NR1H4: variants seen among roughly 807,000 people sequenced by gnomAD.
NR1H4 encodes the protein bile acid receptor.
A neutral mutation model predicts 58.5 loss-of-function variants in NR1H4; 23 were observed. The ratio of observed to expected loss-of-function variants is 0.39; its 90% CI spans 0.28 to 0.56. NR1H4 has a LOEUF of 0.56. Among genes scored for constraint, NR1H4 ranks in the 20% least tolerant of loss-of-function variants. The pLI, the probability that NR1H4 is intolerant of heterozygous loss-of-function variation, is 0.58. For missense variants in NR1H4, 487 were observed against 576.9 expected, an observed-to-expected ratio of 0.84 and a Z score of 1.60; for synonymous variants, 214 against 198.0, an observed-to-expected ratio of 1.08 and a Z score of -0.68.
intron 9 of NR1H4, among the ~76,000 whole-genome samples, chr12:100,544,452 C>T (rs927980041): frequency 2.6e-5 from 4 of 152,108 alleles, no homozygotes; most frequent in African/African-American, 9.6e-5. Flanking sequence ...TGAATATGGG[C>T]CCCACTACTT....
chr12:100,515,383 G>C (rs1365394659), intron 4 of NR1H4, among the ~76,000 whole-genome samples: 2 of 151,818 alleles, frequency 1.3e-5, no homozygotes, highest in Admixed American at 1.3e-4. Flanking sequence ...TGTTGGCCAG[G>C]CTGGTCTCAA....
intron 9 of NR1H4, among the ~76,000 whole-genome samples, chr12:100,555,323 A>AT (rs1342559142): frequency 6.6e-6 from 1 of 152,218 alleles, no homozygotes; most frequent in African/African-American, 2.4e-5. Context: ...AAAGATTGAC[A>AT]TTTTTTTGAA....
chr12:100,478,800 CTTTAT>C (rs1269415469), intron 1 of NR1H4, among the ~76,000 whole-genome samples: 2 of 152,274 alleles, frequency 1.3e-5, no homozygotes, highest in East Asian at 3.9e-4. Flanking sequence ...TAAAATTGCA[CTTTAT>C]TTTAAGATAC....
intron 1 of NR1H4, among the ~76,000 whole-genome samples, chr12:100,489,859 G>A (rs1051181549): frequency 9.9e-5 from 15 of 151,988 alleles, no homozygotes; most frequent in Admixed American, 7.2e-4. Flanking sequence ...AAGCCCATTC[G>A]GGAATTGTAA....
intron 4 of NR1H4, among the ~76,000 whole-genome samples, chr12:100,519,193 AT>A (rs1954347375): frequency 1.3e-5 from 2 of 152,116 alleles, no homozygotes; most frequent in Non-Finnish European, 2.9e-5. Flanking sequence ...ATGTAACTTT[AT>A]TTTTTAAAAT....
chr12:100,547,876 A>G (rs958833125), intron 9 of NR1H4, among the ~76,000 whole-genome samples: 7 of 150,658 alleles, frequency 4.6e-5, no homozygotes, highest in Non-Finnish European at 1.0e-4. Context: ...GCGTGCCCCC[A>G]TGCTTGGCTA....
chr12:100,514,750 A>C (rs1954219018), intron 4 of NR1H4, among the ~76,000 whole-genome samples: 1 of 152,130 alleles, frequency 6.6e-6, no homozygotes, highest in South Asian at 2.1e-4. Flanking sequence ...TCTAATGTTG[A>C]CTTAAATTGC....
chr12:100,502,378 C>T (rs1177385517), intron 3 of NR1H4, among the ~76,000 whole-genome samples: 1 of 152,156 alleles, frequency 6.6e-6, no homozygotes, highest in East Asian at 1.9e-4. Context: ...AGGGTTAGCT[C>T]TTCCTGAAGG....
At chr12:100,518,396 G>A (rs182235346) in intron 4 of NR1H4, among the ~76,000 whole-genome samples, 2 of 152,234 alleles carry the variant, frequency 1.3e-5, no homozygotes, top group African/African-American at 4.8e-5. Flanking sequence ...GGGAGGTTTA[G>A]GAAGGAGAAG....
intron 4 of NR1H4, chr12:100,525,523 A>G (rs1954533231): frequency 6.6e-6 from 1 of 152,184 alleles, no homozygotes; most frequent in South Asian, 2.1e-4. Flanking sequence ...AAATCAAAAC[A>G]CAATGCCAGA....
intron 3 of NR1H4, among the ~76,000 whole-genome samples, chr12:100,494,960 A>G (rs1953682068): frequency 6.6e-6 from 1 of 152,190 alleles, no homozygotes; most frequent in East Asian, 1.9e-4. Context: ...CAGAGAGAAA[A>G]TTGTAGGGTT....
intron 3 of NR1H4, among the ~76,000 whole-genome samples, chr12:100,498,666 A>C (rs1159597558): frequency 6.6e-6 from 1 of 152,084 alleles, no homozygotes; most frequent in East Asian, 1.9e-4. Flanking sequence ...AACAAAAACA[A>C]ACAATATGTA....
Position 100,551,117 on chromosome 12 carries a change from G to T in NR1H4, c.1078+10299G>T, listed in dbSNP as rs377109646. ...ATTTCTAATATTTGCCCAACTATCT[G>T]CTAGCAGGGAATATAAAGTAAAACA... On this transcript the variant is annotated intron_variant, in intron 9 of 10. Coordinates refer to ENST00000392986, the MANE Select transcript of NR1H4 (RefSeq NM_001206979.2). 5.3e-5 allele frequency among the ~76,000 whole-genome samples: 8 copies of T among 152,168 alleles called. 1 individual carries two copies. In the East Asian group the frequency reaches 9.6e-4, roughly 18 times the overall value.
chr12:100,486,739 G>A (rs1295004742), intron 1 of NR1H4, among the ~76,000 whole-genome samples: 1 of 151,880 alleles, frequency 6.6e-6, no homozygotes, highest in Non-Finnish European at 1.5e-5. Context: ...CACGATCAAT[G>A]GAAAACTAAA....
rs67065516 is a variant in NR1H4 at position 100,485,527 on chromosome 12, AT to A, written c.-189-6972del. On this transcript the variant is annotated intron_variant, in intron 1 of 10. Coordinates refer to ENST00000392986, the MANE Select transcript of NR1H4 (RefSeq NM_001206979.2). ...AATACATCTAGTTCTAGTTCATTTT[AT>A]TTTATTTTATTTTTTAATTTTTTTT... 4.8e-3 allele frequency among the ~76,000 whole-genome samples: 729 copies of A among 151,864 alleles called. 5 individuals carry two copies. The highest frequency in any genetic ancestry group is 7.7e-3 in the Non-Finnish European group (525 of 67,922).
intron 9 of NR1H4, among the ~76,000 whole-genome samples, chr12:100,541,582 A>G (rs1439672915): frequency 6.6e-6 from 1 of 150,868 alleles, no homozygotes; most frequent in Non-Finnish European, 1.5e-5. Flanking sequence ...GTGCCTGACT[A>G]AAGTTAACTT....
intron 9 of NR1H4, among the ~76,000 whole-genome samples, chr12:100,560,023 C>G (rs1447399766): frequency 6.6e-6 from 1 of 152,062 alleles, no homozygotes; most frequent in Non-Finnish European, 1.5e-5. Flanking sequence ...ATACACCAAT[C>G]AGCACCCTGT....
intron 9 of NR1H4, among the ~76,000 whole-genome samples, chr12:100,542,616 TAA>T (rs1454610940): frequency 6.6e-6 from 1 of 152,212 alleles, no homozygotes; most frequent in Non-Finnish European, 1.5e-5. Context: ...GTTTTCTTTC[TAA>T]AGTCTTATCA....
At chr12:100,523,856 C>T (rs1954489094) in intron 4 of NR1H4, among the ~76,000 whole-genome samples, 1 of 152,086 alleles carries the variant, frequency 6.6e-6, no homozygotes, top group Non-Finnish European at 1.5e-5. Flanking sequence ...GCAAACCAGA[C>T]CAAATTCTTG....
Sources: gnomAD v4.1 joint callset for allele counts (sites outside exome capture counted in the v4.1 genomes callset) on GRCh38, gnomAD v4.1.1 for gene constraint, MANE v1.5 for transcripts, NCBI Gene and HGNC (gene_info 2026-07-23, HGNC 2026-07-21) for gene names.